The following GABRB1 variants were observed in gnomAD, a reference collection of about 807,000 sequenced individuals.
GABRB1 encodes gamma-aminobutyric acid receptor subunit beta-1.
A neutral mutation model predicts 51.6 loss-of-function variants in GABRB1; 17 were observed. The ratio of observed to expected loss-of-function variants is 0.33; its 90% confidence interval spans 0.23 to 0.49. GABRB1 has a LOEUF of 0.49. GABRB1 is among the 20% of genes least tolerant of loss of function. The pLI is 0.99. For synonymous variants in GABRB1, 247 were observed against 218.9 expected (o/e 1.13, Z -1.14); for missense variants, 410 against 600.6 (o/e 0.68, Z 3.32).
chr4:47,162,811 A>C (rs947446667), intron 4 of GABRB1, among the ~76,000 whole-genome samples: 7 of 152,192 alleles, frequency 4.6e-5, no homozygotes, highest in Admixed American at 3.3e-4. Flanking sequence ...TTCGGAGCCA[A>C]CCCAGTTCTT....
intron 5 of GABRB1, among the ~76,000 whole-genome samples, chr4:47,333,190 TTATTTATATATATATATATATATATATA>T (rs1244385605): frequency 4.8e-5 from 4 of 83,504 alleles, no homozygotes; most frequent in Non-Finnish European, 9.3e-5. Flanking sequence ...AAAACCCATT[TTATTTATATATATATATATATATATATA>T]TATATATATA....
chr4:47,083,023 A>G (rs1727914056), intron 3 of GABRB1, among the ~76,000 whole-genome samples: 1 of 152,032 alleles, frequency 6.6e-6, no homozygotes, highest in South Asian at 2.1e-4. Flanking sequence ...GGCTACCCTG[A>G]CCTCCTCTGC....
chr4:47,018,139 C>G (rs1724805910), intron 1 of GABRB1, among the ~76,000 whole-genome samples: 1 of 151,286 alleles, frequency 6.6e-6, no homozygotes, highest in African/African-American at 2.4e-5. Flanking sequence ...CCTCCTCTTT[C>G]TTCTTCCTTT....
At chr4:47,226,288 G>T (rs963713469) in intron 4 of GABRB1, among the ~76,000 whole-genome samples, 3 of 152,012 alleles carry the variant, frequency 2.0e-5, no homozygotes, top group Non-Finnish European at 4.4e-5. Flanking sequence ...AGATGGTGAG[G>T]GCTATAATTT....
rs1215271462 is a variant in GABRB1, at chr4:47,295,751, C to T, written c.462-24376C>T. ...GGCCAACATTCAGATTCAGGACATA[C>T]AGAGAATGCCACAAAGATACTCCTC... is the stretch of plus-strand genomic sequence containing the variant. On this transcript the variant is annotated intron_variant, in intron 4 of 8. Coordinates refer to ENST00000295454, the MANE Select transcript of GABRB1 (RefSeq NM_000812.4). Among the ~76,000 whole-genome samples the T allele has an allele frequency of 2.0e-5, 3 of 152,128 alleles. No individual in the cohort carries two copies. In the South Asian group the frequency reaches 6.2e-4, roughly 31 times the overall value.
At chr4:47,394,679 G>C (rs117198392) in intron 5 of GABRB1, among the ~76,000 whole-genome samples, 1 of 151,304 alleles carries the variant, frequency 6.6e-6, no homozygotes, top group African/African-American at 2.4e-5. Context: ...GAAAAAGTTC[G>C]CCTTTCACAC....
intron 2 of GABRB1, 104 bp downstream of exon 2, chr4:47,032,109 A>C (rs1725333523): frequency 1.4e-6 from 1 of 715,824 alleles, no homozygotes; most frequent in African/African-American, 1.9e-5. Context: ...CATTTTCGTA[A>C]GCGTGCACTA....
chr4:47,004,538 G>C lies in GABRB1; in HGVS notation c.-20+10612G>C, dbSNP rs143013449. 5.3e-5 allele frequency among the ~76,000 whole-genome samples: 8 copies of C among 151,404 alleles called. No homozygotes were observed. The East Asian group carries it at 1.5e-3, about 29-fold the overall frequency. The stretch of plus-strand genomic sequence containing the variant: ...ATAATATTAATACTTTAAAAAAAAA[G>C]AATAGGTTCCCTGGTTTAATTTCCA... On this transcript the variant is annotated intron_variant, in intron 1 of 3. Transcript: ENST00000513567.
At chr4:47,056,193 C>T (rs551397495) in intron 3 of GABRB1, among the ~76,000 whole-genome samples, 1 of 152,298 alleles carries the variant, frequency 6.6e-6, no homozygotes, top group African/African-American at 2.4e-5. Flanking sequence ...AGGAATGTTA[C>T]AGAATAAGAG....
intron 4 of GABRB1, among the ~76,000 whole-genome samples, chr4:47,199,844 A>C (rs1274355340): frequency 6.6e-6 from 1 of 152,148 alleles, no homozygotes; most frequent in African/African-American, 2.4e-5. Flanking sequence ...GACGGTGCTT[A>C]GTCTAGACAG....
intron 3 of GABRB1, among the ~76,000 whole-genome samples, chr4:47,105,649 C>T (rs1714935158): frequency 6.6e-6 from 1 of 152,140 alleles, no homozygotes; most frequent in Admixed American, 6.6e-5. Context: ...CATGTCTCTT[C>T]CTCTAGAATT....
chr4:47,201,867 C>T (rs1015484680), intron 4 of GABRB1, among the ~76,000 whole-genome samples: 1 of 152,068 alleles, frequency 6.6e-6, no homozygotes, highest in African/African-American at 2.4e-5. Flanking sequence ...ATATTTCAGA[C>T]AAATATAAGC....
chr4:47,045,337 G>A (rs1387547473), intron 3 of GABRB1, among the ~76,000 whole-genome samples: 1 of 151,906 alleles, frequency 6.6e-6, no homozygotes, highest in Non-Finnish European at 1.5e-5. Flanking sequence ...TTAGGTTATC[G>A]AAGGCTAAAT....
chr4:47,218,705 G>A (rs945426621), intron 4 of GABRB1, among the ~76,000 whole-genome samples: 1 of 151,728 alleles, frequency 6.6e-6, no homozygotes, highest in Non-Finnish European at 1.5e-5. Context: ...GGAAGGAGTG[G>A]CTATTCCTTA....
intron 4 of GABRB1, among the ~76,000 whole-genome samples, chr4:47,203,227 A>G (rs1481056775): frequency 5.9e-5 from 9 of 152,114 alleles, no homozygotes; most frequent in South Asian, 2.1e-4. Flanking sequence ...CTGCTCTTCC[A>G]CTTTAGGGCA....
chr4:47,052,752 G>T (rs770697486), intron 3 of GABRB1, among the ~76,000 whole-genome samples: 1 of 152,172 alleles, frequency 6.6e-6, no homozygotes, highest in Non-Finnish European at 1.5e-5. Context: ...CTCCCCGACT[G>T]TAGCATTATG....
At chr4:47,272,255 T>C (rs1488772363) in intron 4 of GABRB1, among the ~76,000 whole-genome samples, 1 of 152,176 alleles carries the variant, frequency 6.6e-6, no homozygotes, top group Non-Finnish European at 1.5e-5. Flanking sequence ...TTCAACTATG[T>C]CTTTGTATGT....
intron 1 of GABRB1, among the ~76,000 whole-genome samples, chr4:47,023,799 T>C (rs1295673037): frequency 6.6e-6 from 1 of 152,034 alleles, no homozygotes; most frequent in Non-Finnish European, 1.5e-5. Flanking sequence ...ACTTGCTGTG[T>C]ACCAACACAA....
chr4:47,017,500 T>A (rs1387206527), intron 1 of GABRB1, among the ~76,000 whole-genome samples: 1 of 152,148 alleles, frequency 6.6e-6, no homozygotes, highest in Non-Finnish European at 1.5e-5. Flanking sequence ...ACAACCACTG[T>A]AAGAAGCCAC....
Sources: allele counts gnomAD v4.1 joint callset (sites outside exome capture counted in the v4.1 genomes callset), GRCh38; gene constraint gnomAD v4.1.1; transcripts MANE v1.5; gene names NCBI Gene and HGNC (gene_info 2026-07-23, HGNC 2026-07-21).